COLEC11: variants seen among roughly 807,000 people sequenced by gnomAD.
The protein encoded by COLEC11 is collectin-11.
In COLEC11, 20 loss-of-function variants were observed where a neutral mutation model predicts 27.3. The ratio of observed to expected loss-of-function variants is 0.73; its 90% CI spans 0.51 to 1.06. COLEC11 has a LOEUF of 1.06. Among genes scored for constraint, COLEC11 ranks in the 50% least tolerant of loss-of-function variants. The pLI is 0.00. For synonymous variants in COLEC11, 163 were observed against 154.7 expected, an observed-to-expected ratio of 1.05 and a Z score of -0.40; for missense variants, 310 against 383.0, an observed-to-expected ratio of 0.81 and a Z score of 1.59.
chr2:3,607,510 C>T (rs1318082675), intron 2 of COLEC11, among the ~76,000 whole-genome samples: 1 of 130,678 alleles, frequency 7.7e-6, no homozygotes, highest in Admixed American at 1.0e-4. Flanking sequence ...TGCAATGGTG[C>T]GACCTTGGCT....
chr2:3,635,646 G>A (rs1020479951), intron 3 of COLEC11, among the ~76,000 whole-genome samples: 3 of 152,192 alleles, frequency 2.0e-5, no homozygotes, highest in Admixed American at 2.0e-4. Context: ...TGCAGCCAGC[G>A]CCCTGCACAG....
intron 2 of COLEC11, among the ~76,000 whole-genome samples, chr2:3,610,586 C>G (rs1219728690): frequency 6.6e-6 from 1 of 152,186 alleles, no homozygotes; most frequent in Non-Finnish European, 1.5e-5. Flanking sequence ...TCCCCATGAG[C>G]TCCAGGCATG....
rs191527053 is a variant in COLEC11 at position 3,639,925 on chromosome 2, C to T, written c.275-353C>T. ...TGCTCCGTCTGGATTTTCCTGCTGT[C>T]ATGAGAGAGGTCGGGTGCTGCTGTT... On this transcript the variant is annotated intron_variant, in intron 4 of 6. Transcript: ENST00000349077. Among the ~76,000 whole-genome samples the T allele has an allele frequency of 5.0e-3, 764 of 152,350 alleles. 3 individuals carry two copies. The highest frequency in any genetic ancestry group is 0.017 in the African/African-American group (721 of 41,574).
chr2:3,634,937 C>T (rs1194080483), intron 3 of COLEC11, among the ~76,000 whole-genome samples: 1 of 152,038 alleles, frequency 6.6e-6, no homozygotes, highest in African/African-American at 2.4e-5. Flanking sequence ...GTGCCTCTCA[C>T]CGCCTTGCTG....
intron 1 of COLEC11, among the ~76,000 whole-genome samples, chr2:3,596,526 G>C (rs1041659269): frequency 1.3e-5 from 2 of 151,698 alleles, no homozygotes; most frequent in African/African-American, 2.4e-5. Flanking sequence ...TTAGTGGAGA[G>C]GGGGGTTTCA....
intron 2 of COLEC11, chr2:3,604,979 G>C (rs1432732559): frequency 1.6e-5 from 7 of 430,890 alleles, no homozygotes; most frequent in African/African-American, 1.1e-4. Flanking sequence ...TTTTTTTCTT[G>C]TTGCTTTGTC....
intron 5 of COLEC11, among the ~76,000 whole-genome samples, chr2:3,641,040 ACGG>A (rs1170005646): frequency 3.5e-5 from 3 of 85,332 alleles, no homozygotes; most frequent in South Asian, 6.8e-4. Context: ...TGTAGACCCC[ACGG>A]TGGACACCCA....
chr2:3,603,355 C>T (rs1043867335), intron 1 of COLEC11: 11 of 271,300 alleles, frequency 4.1e-5, no homozygotes, highest in Middle Eastern at 1.2e-3. Context: ...GTCTCGCTGT[C>T]ATGCAGGCTG....
intron 3 of COLEC11, among the ~76,000 whole-genome samples, chr2:3,629,482 A>T (rs60428910): frequency 7.0e-4 from 106 of 152,340 alleles, no homozygotes; most frequent in Admixed American, 2.0e-3. Context: ...AGGCTTATGT[A>T]CATGCACTCA....
chr2:3,609,352 A>ATTTTTT (rs567474674), intron 2 of COLEC11, among the ~76,000 whole-genome samples: 3 of 87,488 alleles, frequency 3.4e-5, no homozygotes, highest in East Asian at 3.1e-4. Flanking sequence ...TTTTTCTTTG[A>ATTTTTT]TTTTTTTTTT....
intron 4 of COLEC11, among the ~76,000 whole-genome samples, chr2:3,639,763 C>A (rs1270902323): frequency 7.4e-6 from 1 of 135,532 alleles, no homozygotes; most frequent in East Asian, 1.9e-4. Flanking sequence ...GGATGGAGCC[C>A]AGGCTCCTGG....
At chr2:3,603,623 T>G in intron 1 of COLEC11, 2 of 1,550,988 alleles carry the variant, frequency 1.3e-6, no homozygotes, top group Non-Finnish European at 1.7e-6. Context: ...GGTCTTGTTT[T>G]CCAAGTTGTA....
chr2:3,634,785 A>G (rs1665262873), intron 3 of COLEC11, among the ~76,000 whole-genome samples: 1 of 151,966 alleles, frequency 6.6e-6, no homozygotes, highest in Admixed American at 6.5e-5. Context: ...CTGACGATGA[A>G]GGCAACGCAC....
At chr2:3,605,887 T>G in intron 2 of COLEC11, 1 of 554,978 alleles carries the variant, frequency 1.8e-6, no homozygotes, top group Non-Finnish European at 3.0e-6. Flanking sequence ...GCTGGGGGCT[T>G]TTTTCCGGCT....
At position 3,606,255 on chromosome 2, in the gene COLEC11, G is replaced by A. The variant is rs1233180423; in HGVS notation, c.130+1785G>A. ...CTGCGCCCTGCCAGGTCAGTAGCCTGCACTGGTGGGGGCCGTGGGGTGGGC... is the reference window on the plus strand; with the variant it reads ...CTGCGCCCTGCCAGGTCAGTAGCCTACACTGGTGGGGGCCGTGGGGTGGGC... On this transcript the variant is annotated intron_variant, in intron 2 of 6. Transcript: ENST00000349077. The A allele has an allele frequency of 1.2e-5, 19 of 1,547,598 alleles. No homozygotes were observed. The East Asian group carries it at 1.7e-4, about 14-fold the overall frequency.
chr2:3,625,037 T>A (rs1241288499), intron 3 of COLEC11, among the ~76,000 whole-genome samples: 1 of 152,150 alleles, frequency 6.6e-6, no homozygotes, highest in African/African-American at 2.4e-5. Flanking sequence ...CCCAGAGATA[T>A]GGGGTTAAAG....
At chr2:3,599,094 C>T (rs1290581749) in intron 1 of COLEC11, among the ~76,000 whole-genome samples, 1 of 152,116 alleles carries the variant, frequency 6.6e-6, no homozygotes, top group Admixed American at 6.5e-5. Flanking sequence ...GATTTCAGTC[C>T]CACCCTCACC....
At chr2:3,636,595 A>G (rs1347153042) in intron 3 of COLEC11, among the ~76,000 whole-genome samples, 1 of 152,278 alleles carries the variant, frequency 6.6e-6, no homozygotes, top group Non-Finnish European at 1.5e-5. Flanking sequence ...CATGTCCATG[A>G]AAAAGAATTG....
chr2:3,643,793 C>T lies in COLEC11; in HGVS notation c.491C>T (p.Ala164Val), dbSNP rs896580554. The T allele has an allele frequency of 1.1e-5, 18 of 1,613,448 alleles. No homozygotes were observed. Among genetic ancestry groups the T allele is most frequent in the Middle Eastern group, 1.6e-4 (1 of 6,084 alleles). ...YLLVKEEKRY[A>V]DAQLSCQGRG... ...CTGGTGAAGGAGGAGAAGCGCTACG[C>T]GGACGCCCAGCTGTCCTGCCAGGGC... The change falls in exon 7 of 7, where the codon GCG becomes GTG. Residue 164 changes from alanine (A) to valine (V), a missense_variant. Transcript: ENST00000349077.
Sources: allele counts gnomAD v4.1 joint callset (sites outside exome capture counted in the v4.1 genomes callset), GRCh38; gene constraint gnomAD v4.1.1; transcripts MANE v1.5; gene names NCBI Gene and HGNC (gene_info 2026-07-23, HGNC 2026-07-21).